The following SIRPG variants were observed in gnomAD, a reference collection of about 807,000 sequenced individuals.
SIRPG encodes signal regulatory protein gamma.
Under a neutral mutation model 35.7 loss-of-function variants are expected in SIRPG, and 38 were observed. The ratio of observed to expected loss-of-function variants is 1.06; its 90% CI spans 0.82 to 1.40. The LOEUF (loss-of-function observed/expected upper bound fraction) is 1.40, where lower values mean the gene tolerates loss of function less well. Among genes scored for constraint, SIRPG ranks in the 40% most tolerant of loss-of-function variants. SIRPG has a pLI of 0.00. For synonymous variants in SIRPG, 215 were observed against 190.4 expected, an observed-to-expected ratio of 1.13 and a Z score of -1.06; for missense variants, 519 against 483.0, an observed-to-expected ratio of 1.07 and a Z score of -0.70.
intron 2 of SIRPG, among the ~76,000 whole-genome samples, chr20:1,641,421 T>C (rs1179963152): frequency 1.3e-5 from 2 of 152,242 alleles, no homozygotes; most frequent in African/African-American, 4.8e-5. Context: ...TATTTTCTGA[T>C]GTTAGTTTGT....
chr20:1,649,558 C>T (rs1039988126), intron 1 of SIRPG, 150 bp from the exon 2 acceptor site: 2 of 692,730 alleles, frequency 2.9e-6, no homozygotes, highest in Non-Finnish European at 4.8e-6. Context: ...CTCATTTAAC[C>T]CTCACAACAT....
chr20:1,632,170 T>G lies in SIRPG; in HGVS notation c.1082-1864A>C, dbSNP rs143750401. On this transcript the variant is annotated intron_variant, in intron 4 of 5. Coordinates refer to ENST00000303415, the MANE Select transcript of SIRPG (RefSeq NM_018556.4). ...AAGCACTCAAAGATCTTCGGTTGAC[T>G]TAAGAGTTGCTGGGTACAATTGCAG... 7.6e-4 allele frequency among the ~76,000 whole-genome samples: 116 copies of G among 152,278 alleles called. No homozygotes were observed. The Middle Eastern group carries it at 0.014, about 18-fold the overall frequency.
At chr20:1,662,414 C>T (rs2122599962), upstream of SIRPG, among the ~76,000 whole-genome samples, 1 of 152,300 alleles carries the variant, frequency 6.6e-6, no homozygotes. Context: ...GCTCCCAGGA[C>T]ACGGAAAGGA....
the SIRPG span, among the ~76,000 whole-genome samples, chr20:1,678,523 G>T: frequency 2.0e-5 from 3 of 152,088 alleles, no homozygotes; most frequent in Admixed American, 2.0e-4. Context: ...TGAAATTATT[G>T]ACAGTGAGGT....
intron 1 of SIRPG, among the ~76,000 whole-genome samples, chr20:1,654,041 C>T (rs1023137642): frequency 4.6e-5 from 7 of 152,062 alleles, no homozygotes; most frequent in Admixed American, 1.3e-4. Context: ...CAATCGAGAC[C>T]GTCTTGGCCA....
intron 2 of SIRPG, among the ~76,000 whole-genome samples, chr20:1,643,971 G>A (rs1309995840): frequency 1.3e-5 from 2 of 152,118 alleles, no homozygotes. Flanking sequence ...ACCTCGAGGG[G>A]CACTGATCTA....
In SIRPG at chr20:1,636,481, A is replaced by G. The variant is rs144100952; in HGVS notation, c.455T>C (p.Leu152Ser). The G allele has an allele frequency of 2.3e-4, 371 of 1,614,224 alleles. 2 individuals are homozygous for G. The African/African-American group carries it at 3.9e-3, about 17-fold the overall frequency. ...LGAKPSAPVV[L>S]GPAARTTPEH... ...AGGTGTGGTCCTCGCCGCAGGGCCC[A>G]ATACCACGGGGGCAGAGGGTTTGGC... Residue 152 changes from leucine (L) to serine (S), a missense_variant, in exon 3 of 6, where the codon TTG (leucine) becomes TCG (serine). Physicochemically the swap from Leu to Ser is moderately radical, Grantham distance 145. Transcript: ENST00000303415.
At chr20:1,665,583 C>T in the SIRPG span, among the ~76,000 whole-genome samples, 2 of 152,146 alleles carry the variant, frequency 1.3e-5, no homozygotes, top group African/African-American at 2.4e-5. Context: ...CCAGTCACCC[C>T]ATCTCCCGGT....
At chr20:1,666,456 C>T in the SIRPG span, 1 of 152,128 alleles carries the variant, frequency 6.6e-6, no homozygotes, top group Non-Finnish European at 1.5e-5. Flanking sequence ...AGTGTGTGCA[C>T]TAAGTTCAGA....
the SIRPG span, among the ~76,000 whole-genome samples, chr20:1,684,045 T>C: frequency 2.0e-5 from 3 of 151,926 alleles, no homozygotes; most frequent in Non-Finnish European, 2.9e-5. Context: ...GAGATACTGG[T>C]CAAAGGATAC....
At chr20:1,680,384 C>T in the SIRPG span, among the ~76,000 whole-genome samples, 1 of 152,192 alleles carries the variant, frequency 6.6e-6, no homozygotes, top group Non-Finnish European at 1.5e-5. Context: ...TTTCCTGTTG[C>T]AATCATTAAC....
chr20:1,660,143 C>T (rs2091992412), upstream of SIRPG, among the ~76,000 whole-genome samples: 8 of 152,064 alleles, frequency 5.3e-5, 1 homozygote, highest in South Asian at 1.5e-3. Flanking sequence ...CAGAAATAGG[C>T]GGGCATGAGG....
At chr20:1,675,635 C>A in the SIRPG span, among the ~76,000 whole-genome samples, 1 of 152,184 alleles carries the variant, frequency 6.6e-6, no homozygotes, top group African/African-American at 2.4e-5. Flanking sequence ...CCTCTCTGAG[C>A]TTTAGTGCCT....
intron 2 of SIRPG, among the ~76,000 whole-genome samples, chr20:1,643,372 C>T (rs2091870789): frequency 6.6e-6 from 1 of 152,118 alleles, no homozygotes; most frequent in African/African-American, 2.4e-5. Context: ...ACTACTGATA[C>T]TTGTGTATGC....
chr20:1,649,535 C>T, intron 1 of SIRPG, 127 bp from the exon 2 acceptor site: 1 of 783,982 alleles, frequency 1.3e-6, no homozygotes, highest in Non-Finnish European at 2.0e-6. Flanking sequence ...TCTCAGCACA[C>T]TGCATGTATT....
chr20:1,680,210 C>G, the SIRPG span, among the ~76,000 whole-genome samples: 1 of 152,168 alleles, frequency 6.6e-6, no homozygotes, highest in African/African-American at 2.4e-5. Flanking sequence ...TTCTTTCATG[C>G]CTGTTGGAGT....
chr20:1,642,433 C>G (rs958880670), intron 2 of SIRPG, among the ~76,000 whole-genome samples: 14 of 152,198 alleles, frequency 9.2e-5, no homozygotes, highest in Non-Finnish European at 2.1e-4. Flanking sequence ...AAATTTTCCT[C>G]CATCCGTTTG....
At chr20:1,665,867 G>A in the SIRPG span, among the ~76,000 whole-genome samples, 1,927 of 152,078 alleles carry the variant, frequency 0.013, 31 homozygotes, top group African/African-American at 0.037. Context: ...TTTTAGGAAC[G>A]TTTAAATATA....
chr20:1,644,497 C>T (rs935378397), intron 2 of SIRPG, among the ~76,000 whole-genome samples: 1 of 152,162 alleles, frequency 6.6e-6, no homozygotes, highest in Non-Finnish European at 1.5e-5. Flanking sequence ...TGTTAGGCAG[C>T]GATCAGTCCC....
Sources: gnomAD v4.1 joint callset for allele counts (sites outside exome capture counted in the v4.1 genomes callset) on GRCh38, gnomAD v4.1.1 for gene constraint, MANE v1.5 for transcripts, NCBI Gene and HGNC (gene_info 2026-07-23, HGNC 2026-07-21) for gene names.